IPMK: variants seen among roughly 807,000 people sequenced by gnomAD.
IPMK encodes the protein inositol polyphosphate multikinase.
In IPMK, 17 loss-of-function variants were observed where a neutral mutation model predicts 45.8. The ratio of observed to expected loss-of-function variants is 0.37; its 90% confidence interval spans 0.25 to 0.56. The LOEUF (loss-of-function observed/expected upper bound fraction) is 0.56, where lower values mean the gene tolerates loss of function less well. Among genes scored for constraint, IPMK ranks in the 20% least tolerant of loss-of-function variants. The probability of loss-of-function intolerance (pLI) is 0.79; values close to 1 mark genes in which losing one functional copy is unlikely to be tolerated. For synonymous variants in IPMK, 180 were observed against 184.3 expected (o/e 0.98, Z 0.19); for missense variants, 399 against 498.0 (o/e 0.80, Z 1.89).
intron 5 of IPMK, among the ~76,000 whole-genome samples, chr10:58,197,977 C>T (rs1199492479): frequency 6.6e-6 from 1 of 152,124 alleles, no homozygotes; most frequent in African/African-American, 2.4e-5. Context: ...TTGCAGTGAG[C>T]CGAGATCGTG....
intron 3 of IPMK, among the ~76,000 whole-genome samples, chr10:58,221,474 T>A (rs1003735557): frequency 2.6e-5 from 4 of 152,056 alleles, no homozygotes; most frequent in Non-Finnish European, 5.9e-5. Flanking sequence ...GATGCAATAA[T>A]AACATAAAAA....
At chr10:58,215,440 A>G (rs1218797874) in intron 4 of IPMK, among the ~76,000 whole-genome samples, 1 of 147,646 alleles carries the variant, frequency 6.8e-6, no homozygotes, top group African/African-American at 2.6e-5. Context: ...ACAGGGTCTC[A>G]CTTTGTCACC....
chr10:58,245,061 A>G, intron 1 of IPMK, among the ~76,000 whole-genome samples: 1 of 128,212 alleles, frequency 7.8e-6, no homozygotes, highest in Non-Finnish European at 1.6e-5. Context: ...AAAAAAAATA[A>G]TAAAATAAAC....
chr10:58,256,714 G>T lies in IPMK; in HGVS notation c.190+10708C>A, dbSNP rs184984494. On this transcript the variant is annotated intron_variant, in intron 1 of 5. Transcript: ENST00000373935. Reference sequence around the variant, plus strand: ...CCGACATGTGATGTCACCCCCAGAGGCCCAGCTGTAAAATTTCTCTCTTTG... The same window carrying T: ...CCGACATGTGATGTCACCCCCAGAGTCCCAGCTGTAAAATTTCTCTCTTTG... Among the ~76,000 whole-genome samples, 15 of 152,216 alleles carry T rather than the reference G, an allele frequency of 9.9e-5. No homozygotes were observed. In the East Asian group the frequency reaches 2.7e-3, roughly 27 times the overall value.
At chr10:58,245,101 A>G (rs1420489572) in intron 1 of IPMK, among the ~76,000 whole-genome samples, 1 of 151,870 alleles carries the variant, frequency 6.6e-6, no homozygotes, top group Non-Finnish European at 1.5e-5. Context: ...AAAAAATACA[A>G]AAAGGAAAAT....
rs1443075996 is a variant in IPMK at position 58,196,424 on chromosome 10, T to C, written c.903A>G (p.Thr301=). ...CTGAAGACTCTATTTTTCCATTAGC[T>C]GTGGAACTTAACACATGAAAGTTAT... ...YNNNFHVLSS[T]ANGKIESSVG... Residue 301 remains threonine, a synonymous_variant, in exon 6 of 6, where the codon ACA becomes ACG. Transcript: ENST00000373935. 6.2e-7 allele frequency: 1 copy of C among 1,614,168 alleles called. No individual in the cohort carries two copies. Among genetic ancestry groups the C allele is most frequent in the South Asian group, 1.1e-5 (1 of 91,082 alleles).
At chr10:58,267,344 A>G (rs1839163673) in intron 1 of IPMK, 78 bp downstream of exon 1, 7 of 1,450,984 alleles carry the variant, frequency 4.8e-6, no homozygotes, top group Admixed American at 1.8e-5. Context: ...CAGGCCCGAG[A>G]GCGCTAGGCT....
Position 58,202,349 on chromosome 10 carries a change from T to C in IPMK, c.547-3028A>G, listed in dbSNP as rs565178760. ...GCTGGTGACTTTAAGTTGAAGCCAA[T>C]ACTCACTCATTTGTCCTAGAGCCCT... is the stretch of plus-strand genomic sequence containing the variant. On this transcript the variant is annotated intron_variant, in intron 4 of 5. Transcript: ENST00000373935. Among the ~76,000 whole-genome samples the C allele has an allele frequency of 2.6e-5, 4 of 152,296 alleles. No homozygotes were observed. The South Asian group carries it at 8.3e-4, about 32-fold the overall frequency.
chr10:58,264,674 T>A (rs187437823), intron 1 of IPMK, among the ~76,000 whole-genome samples: 1 of 152,154 alleles, frequency 6.6e-6, no homozygotes, highest in Non-Finnish European at 1.5e-5. Flanking sequence ...ACATTACTTA[T>A]CACAGCAAAC....
intron 4 of IPMK, among the ~76,000 whole-genome samples, chr10:58,201,052 A>G (rs915758792): frequency 1.3e-5 from 2 of 152,250 alleles, no homozygotes; most frequent in African/African-American, 4.8e-5. Context: ...GGACATGTTT[A>G]CACTTATGAG....
chr10:58,206,013 T>C (rs918164139), intron 4 of IPMK, among the ~76,000 whole-genome samples: 2 of 152,152 alleles, frequency 1.3e-5, no homozygotes, highest in East Asian at 1.9e-4. Flanking sequence ...CAAATGTTCA[T>C]AACAGTTATT....
At chr10:58,219,115 ATT>A (rs1838292788) in intron 3 of IPMK, among the ~76,000 whole-genome samples, 1 of 152,188 alleles carries the variant, frequency 6.6e-6, no homozygotes. Context: ...CTGCTAAATT[ATT>A]TCTTATTCGC....
At chr10:58,228,220 G>T (rs1180077069) in intron 2 of IPMK, among the ~76,000 whole-genome samples, 1 of 152,186 alleles carries the variant, frequency 6.6e-6, no homozygotes, top group African/African-American at 2.4e-5. Flanking sequence ...ACGGAGGAAT[G>T]AAGTAGATCT....
intron 2 of IPMK, among the ~76,000 whole-genome samples, chr10:58,229,905 G>A (rs1395974266): frequency 2.6e-5 from 4 of 152,160 alleles, no homozygotes. Context: ...CCCTTTCCTA[G>A]CCAAGGGAAG....
At chr10:58,253,487 G>A (rs1414891143) in intron 1 of IPMK, among the ~76,000 whole-genome samples, 1 of 152,058 alleles carries the variant, frequency 6.6e-6, no homozygotes, top group Non-Finnish European at 1.5e-5. Flanking sequence ...CTAGCACTTT[G>A]GGAGGACGAA....
chr10:58,243,436 A>G (rs1444913270), intron 1 of IPMK, among the ~76,000 whole-genome samples: 1 of 152,148 alleles, frequency 6.6e-6, no homozygotes, highest in Non-Finnish European at 1.5e-5. Flanking sequence ...CTGCCATGAT[A>G]TCAGCTTGCT....
At chr10:58,245,384 C>T (rs886674306) in intron 1 of IPMK, among the ~76,000 whole-genome samples, 1 of 151,938 alleles carries the variant, frequency 6.6e-6, no homozygotes. Flanking sequence ...GAGGCCAAGA[C>T]AGCCGGATCA....
At chr10:58,242,704 GAAGA>G (rs1838714556) in intron 1 of IPMK, among the ~76,000 whole-genome samples, 1 of 152,110 alleles carries the variant, frequency 6.6e-6, no homozygotes, top group East Asian at 1.9e-4. Context: ...GGAGAAATCA[GAAGA>G]AAGCATCCCA....
intron 1 of IPMK, among the ~76,000 whole-genome samples, chr10:58,247,493 A>G (rs1050109814): frequency 3.5e-4 from 53 of 151,948 alleles, no homozygotes; most frequent in African/African-American, 1.3e-3. Context: ...TGATGAGTTC[A>G]TGTCCTTTGT....
Sources: allele counts gnomAD v4.1 joint callset (sites outside exome capture counted in the v4.1 genomes callset), GRCh38; gene constraint gnomAD v4.1.1; transcripts MANE v1.5; gene names NCBI Gene and HGNC (gene_info 2026-07-23, HGNC 2026-07-21).